DDC: variants seen among roughly 807,000 people sequenced by gnomAD.
DDC encodes the protein aromatic-L-amino-acid decarboxylase.
Under a neutral mutation model 60.0 loss-of-function variants are expected in DDC, and 43 were observed. The observed-to-expected ratio is 0.72, with a 90% CI of 0.56 to 0.92. The LOEUF is 0.92. Ranked by LOEUF, DDC falls within the 40% of genes least tolerant of loss-of-function variation. DDC has a pLI of 0.00. For synonymous variants in DDC, 232 were observed against 234.6 expected (o/e 0.99, Z 0.10); for missense variants, 573 against 620.2 (o/e 0.92, Z 0.81).
At chr7:50,507,413 G>A (rs981959894) in intron 6 of DDC, among the ~76,000 whole-genome samples, 2 of 152,106 alleles carry the variant, frequency 1.3e-5, no homozygotes, top group African/African-American at 4.8e-5. Flanking sequence ...TGTATTTTTA[G>A]TAGAGACGGG....
chr7:50,560,231 C>T (rs924063509), intron 1 of DDC, among the ~76,000 whole-genome samples: 3 of 152,170 alleles, frequency 2.0e-5, no homozygotes, highest in Non-Finnish European at 4.4e-5. Flanking sequence ...GGAAACTCTG[C>T]TTATCTGAAT....
Position 50,463,421 on chromosome 7 carries a change from T to C in DDC, c.1253A>G (p.Lys418Arg). The C allele has an allele frequency of 1.9e-6, 3 of 1,614,088 alleles. No homozygotes were observed. In the East Asian group the frequency reaches 6.7e-5, roughly 36 times the overall value. ...LVCFRLKGSN[K>R]VNEALLQRIN... ...TCTTTGCAGAAGAGCTTCATTCACT[T>C]TGTTGGAACCCTGGAGGGATTGAAA... The change falls in exon 14 of 15, where the codon AAA becomes AGA. Residue 418 changes from lysine (K) to arginine (R), a missense_variant. Coordinates refer to ENST00000444124, the MANE Select transcript of DDC (RefSeq NM_001082971.2).
chr7:50,555,194 G>T (rs979389122), intron 1 of DDC, among the ~76,000 whole-genome samples: 2 of 151,978 alleles, frequency 1.3e-5, no homozygotes, highest in Non-Finnish European at 2.9e-5. Flanking sequence ...CTCTGCCTTC[G>T]AGCCTCCCAC....
intron 1 of DDC, among the ~76,000 whole-genome samples, chr7:50,551,964 C>G (rs531850255): frequency 2.6e-5 from 4 of 152,204 alleles, no homozygotes; most frequent in African/African-American, 9.6e-5. Context: ...TTCAGAAAGA[C>G]GCTCAGCTTC....
rs770694855 is a variant in DDC, at chr7:50,529,348, T to C, written c.436-6A>G. 3.3e-5 allele frequency: 53 copies of C among 1,614,186 alleles called. 1 individual carries two copies. In the South Asian group the frequency reaches 5.8e-4, roughly 18 times the overall value. On this transcript the variant is annotated splice_region_variant and splice_polypyrimidine_tract_variant and intron_variant, in intron 4 of 14. Coordinates refer to ENST00000444124, the MANE Select transcript of DDC (RefSeq NM_001082971.2). ...GTGGCTTCACTGGCACTTCCCTAAA[T>C]TCAAGAGAAGGTCCAAATGAAATCC... is the stretch of plus-strand genomic sequence containing the variant.
intron 11 of DDC, among the ~76,000 whole-genome samples, chr7:50,474,921 C>T (rs1381452557): frequency 6.6e-6 from 1 of 152,192 alleles, no homozygotes; most frequent in Non-Finnish European, 1.5e-5. Flanking sequence ...GCAGCTCATC[C>T]TCAGCAGAAA....
At chr7:50,500,024 C>A (rs1365270011) in intron 7 of DDC, among the ~76,000 whole-genome samples, 1 of 152,142 alleles carries the variant, frequency 6.6e-6, no homozygotes, top group Middle Eastern at 3.2e-3. Flanking sequence ...TTGCCAGGAC[C>A]CCAGCACTGA....
intron 1 of DDC, among the ~76,000 whole-genome samples, chr7:50,549,895 T>C (rs1237003483): frequency 2.6e-5 from 4 of 152,236 alleles, no homozygotes; most frequent in Non-Finnish European, 5.9e-5. Context: ...TTGCTTCTCA[T>C]GGATGAGCAA....
intron 6 of DDC, among the ~76,000 whole-genome samples, chr7:50,526,254 A>T (rs1180736714): frequency 1.3e-5 from 2 of 152,242 alleles, no homozygotes; most frequent in Non-Finnish European, 2.9e-5. Flanking sequence ...TGACATCTCA[A>T]CAGAAATCAT....
intron 1 of DDC, among the ~76,000 whole-genome samples, chr7:50,549,656 C>CAAAAAAA (rs58449351): frequency 1.1e-5 from 1 of 95,054 alleles, no homozygotes; most frequent in African/African-American, 4.0e-5. Flanking sequence ...GACTCTGTCT[C>CAAAAAAA]AAAAAAAAAA....
chr7:50,482,149 G>T (rs994513515), intron 9 of DDC, among the ~76,000 whole-genome samples: 1 of 152,288 alleles, frequency 6.6e-6, no homozygotes, highest in African/African-American at 2.4e-5. Flanking sequence ...ATCTACGGCC[G>T]TATTCAATAG....
chr7:50,544,139 G>A, intron 1 of DDC, 26 bp from the exon 2 acceptor site: 1 of 1,560,518 alleles, frequency 6.4e-7, no homozygotes, highest in Non-Finnish European at 8.8e-7. Context: ...GATTCAGTGA[G>A]CAAATTTTGC....
chr7:50,494,743 C>T (rs955747928), intron 9 of DDC, among the ~76,000 whole-genome samples: 1 of 151,908 alleles, frequency 6.6e-6, no homozygotes, highest in East Asian at 1.9e-4. Context: ...CTCACTGCAA[C>T]CTCTGCCTCC....
At position 50,544,387 on chromosome 7, in the gene DDC, G is replaced by A. The variant is rs11575286; in HGVS notation, c.-28-274C>T. On this transcript the variant is annotated intron_variant, in intron 1 of 14. Coordinates refer to ENST00000444124, the MANE Select transcript of DDC (RefSeq NM_001082971.2). Reference sequence around the variant, plus strand: ...TTATTTCAATAGACTAGAAGCACACGTTTATTTTCATGATCGATTCCAACT... The same window carrying A: ...TTATTTCAATAGACTAGAAGCACACATTTATTTTCATGATCGATTCCAACT... Among the ~76,000 whole-genome samples the A allele has an allele frequency of 0.1, 15,837 of 152,192 alleles. 1,072 individuals are homozygous for A. The highest frequency in any genetic ancestry group is 0.15 in the South Asian group (702 of 4,822).
At chr7:50,529,132 G>T in intron 5 of DDC, 76 bp downstream of exon 5, 3 of 1,577,496 alleles carry the variant, frequency 1.9e-6, no homozygotes, top group Non-Finnish European at 2.6e-6. Context: ...GATGCTGTTT[G>T]GTTTGGTTTG....
intron 6 of DDC, among the ~76,000 whole-genome samples, chr7:50,514,589 A>G (rs2043677620): frequency 6.6e-6 from 1 of 152,234 alleles, no homozygotes; most frequent in Admixed American, 6.5e-5. Context: ...AAACAATACA[A>G]GAAGTAAGAG....
intron 9 of DDC, chr7:50,492,682 A>AATT: frequency 3.7e-6 from 1 of 270,030 alleles, no homozygotes. Context: ...TTCTACAAGG[A>AATT]AATTTTCCAA....
chr7:50,553,695 C>T (rs182846719), intron 1 of DDC, among the ~76,000 whole-genome samples: 28 of 152,016 alleles, frequency 1.8e-4, no homozygotes, highest in African/African-American at 6.5e-4. Flanking sequence ...CCTTATTGGT[C>T]AGGATGGTCT....
At chr7:50,470,855 C>G (rs779179745) in intron 11 of DDC, among the ~76,000 whole-genome samples, 2 of 152,192 alleles carry the variant, frequency 1.3e-5, no homozygotes, top group African/African-American at 4.8e-5. Context: ...AGGACTGGGA[C>G]GAGGAGACTG....
Sources: allele counts gnomAD v4.1 joint callset (sites outside exome capture counted in the v4.1 genomes callset), GRCh38; gene constraint gnomAD v4.1.1; transcripts MANE v1.5; gene names NCBI Gene and HGNC (gene_info 2026-07-23, HGNC 2026-07-21).